Variants in ZCCHC14 observed in about 807,000 individuals in gnomAD.
ZCCHC14 encodes zinc finger CCHC domain-containing protein 14.
In ZCCHC14, 16 loss-of-function variants were observed where a neutral mutation model predicts 85.0. The ratio of observed to expected loss-of-function variants is 0.19; its 90% confidence interval spans 0.13 to 0.29. ZCCHC14 has a LOEUF of 0.29. Among genes scored for constraint, ZCCHC14 ranks in the 10% least tolerant of loss-of-function variants. The pLI is 1.00. For missense variants in ZCCHC14, 1,303 were observed against 1,443.5 expected, an observed-to-expected ratio of 0.90 and a Z score of 1.58; for synonymous variants, 775 against 630.7, an observed-to-expected ratio of 1.23 and a Z score of -3.43.
chr16:87,438,531 A>T (rs559339248), intron 2 of ZCCHC14, among the ~76,000 whole-genome samples: 34 of 152,376 alleles, frequency 2.2e-4, no homozygotes, highest in Admixed American at 8.5e-4. Flanking sequence ...GAGTTCGAAT[A>T]TTCATTGAGT....
intron 3 of ZCCHC14, among the ~76,000 whole-genome samples, chr16:87,425,386 G>A (rs2150732370): frequency 6.6e-6 from 1 of 152,238 alleles, no homozygotes; most frequent in South Asian, 2.1e-4. Context: ...AGACCAGCCT[G>A]ACCAACGTGG....
chr16:87,466,747 G>A (rs528637301), intron 1 of ZCCHC14, among the ~76,000 whole-genome samples: 26 of 152,256 alleles, frequency 1.7e-4, no homozygotes, highest in African/African-American at 6.0e-4. Flanking sequence ...GGTACTGTTC[G>A]TATGACTGTG....
chr16:87,410,649 G>T (rs1216496360), intron 12 of ZCCHC14, among the ~76,000 whole-genome samples: 5 of 152,232 alleles, frequency 3.3e-5, no homozygotes, highest in African/African-American at 1.2e-4. Context: ...CTGGGTGAGG[G>T]CAGGTGAGCG....
At chr16:87,463,969 A>T (rs1228515566) in intron 1 of ZCCHC14, among the ~76,000 whole-genome samples, 1 of 152,176 alleles carries the variant, frequency 6.6e-6, no homozygotes, top group Non-Finnish European at 1.5e-5. Flanking sequence ...ACAGGTGCAC[A>T]CCAGCACGCA....
intron 2 of ZCCHC14, among the ~76,000 whole-genome samples, chr16:87,436,807 G>A (rs889484387): frequency 5.9e-5 from 9 of 152,178 alleles, no homozygotes; most frequent in African/African-American, 2.2e-4. Flanking sequence ...TGTTTAAAAT[G>A]GAAATGAAAA....
At chr16:87,431,023 C>A (rs572542371) in intron 3 of ZCCHC14, among the ~76,000 whole-genome samples, 217 of 152,100 alleles carry the variant, frequency 1.4e-3, no homozygotes, top group African/African-American at 5.1e-3. Flanking sequence ...GCCTGTGGTC[C>A]CAGCTACTAG....
At chr16:87,452,644 G>C (rs1461633098) in intron 2 of ZCCHC14, among the ~76,000 whole-genome samples, 1 of 152,132 alleles carries the variant, frequency 6.6e-6, no homozygotes, top group Non-Finnish European at 1.5e-5. Flanking sequence ...AGCTGCACAG[G>C]GATGACATTT....
intron 1 of ZCCHC14, chr16:87,467,097 C>G (rs1456927091): frequency 6.7e-6 from 4 of 593,922 alleles, no homozygotes; most frequent in Non-Finnish European, 1.2e-5. Context: ...GTTGCCCCAT[C>G]TGACCTCTAA....
chr16:87,492,374 G>A lies in ZCCHC14; in HGVS notation c.-136C>T, dbSNP rs1027803831. ...GGCCGGGTCCGGGCGAGGGCGCGCGGGCGCCGCGGGCCGGGCGGGCGCCGG... is the reference window on the plus strand; with the variant it reads ...GGCCGGGTCCGGGCGAGGGCGCGCGAGCGCCGCGGGCCGGGCGGGCGCCGG... On this transcript the variant is annotated 5_prime_UTR_variant, in exon 1 of 13. Coordinates refer to ENST00000671377, the MANE Select transcript of ZCCHC14 (RefSeq NM_015144.3). The surrounding 1 kb of genome is among the most constrained non-coding windows in gnomAD (Gnocchi z 6.7). The A allele has an allele frequency of 6.7e-6, 1 of 149,098 alleles. No individual in the cohort carries two copies. The highest frequency in any genetic ancestry group is 2.5e-5 in the African/African-American group (1 of 40,540). The allele number at this position is 149,098 out of a possible 1,614,324, so 9.2% of individuals were successfully genotyped here.
Position 87,440,621 on chromosome 16 carries a change from C to G in ZCCHC14, c.695-7420G>C, listed in dbSNP as rs531705765. ...CTCACAACAAAATACCCTTCATTTTCTTTTTGACAGGGTCTCACTCTGTCG... is the reference window on the plus strand; with the variant it reads ...CTCACAACAAAATACCCTTCATTTTGTTTTTGACAGGGTCTCACTCTGTCG... On this transcript the variant is annotated intron_variant, in intron 2 of 12. Coordinates refer to ENST00000671377, the MANE Select transcript of ZCCHC14 (RefSeq NM_015144.3). Among the ~76,000 whole-genome samples the G allele has an allele frequency of 7.2e-5, 11 of 151,802 alleles. No homozygotes were observed. The South Asian group carries it at 1.3e-3, about 17-fold the overall frequency.
chr16:87,455,514 C>T (rs1170056695), intron 2 of ZCCHC14, among the ~76,000 whole-genome samples: 3 of 152,172 alleles, frequency 2.0e-5, no homozygotes, highest in African/African-American at 7.2e-5. Context: ...AAAGTCCTAG[C>T]GTCCTACAGA....
chr16:87,425,353 G>A (rs138052928), intron 3 of ZCCHC14, among the ~76,000 whole-genome samples: 4,299 of 152,142 alleles, frequency 0.028, 214 homozygotes, highest in African/African-American at 0.099. Flanking sequence ...GAGGTGGGCG[G>A]ATCACCTGAG....
intron 2 of ZCCHC14, among the ~76,000 whole-genome samples, chr16:87,457,109 G>C (rs901692014): frequency 1.3e-5 from 2 of 152,196 alleles, no homozygotes; most frequent in Non-Finnish European, 2.9e-5. Flanking sequence ...GGGGCAGGGG[G>C]CTCAGAAGCC....
Position 87,420,644 on chromosome 16 carries a change from C to T in ZCCHC14, c.913G>A (p.Val305Met). 6.2e-7 allele frequency: 1 copy of T among 1,613,998 alleles called. No homozygotes were observed. The highest frequency in any genetic ancestry group is 8.5e-7 in the Non-Finnish European group (1 of 1,179,940). ...TCCAGATCCACGTGGTTTCGCTCCA[C>T]ATAAAATGCGTCCGGACCAGCTAAG... ...PCLAGPDAFY[V>M]ERNHVDLDSG... The change falls in exon 5 of 13, where the codon GTG becomes ATG. Residue 305 changes from valine to methionine, a missense_variant. Physicochemically the swap from Val to Met is conservative, Grantham distance 21. Coordinates refer to ENST00000671377, the MANE Select transcript of ZCCHC14 (RefSeq NM_015144.3). This position sits in a 1 kb window ranked among gnomAD's most constrained non-coding sequence, Gnocchi z 5.0.
intron 1 of ZCCHC14, among the ~76,000 whole-genome samples, chr16:87,485,640 C>G (rs1443910375): frequency 6.6e-6 from 1 of 150,856 alleles, no homozygotes; most frequent in Non-Finnish European, 1.5e-5. Flanking sequence ...TCTAATCCCT[C>G]TAAGGTGGGG....
At chr16:87,456,957 A>G (rs1910998325) in intron 2 of ZCCHC14, among the ~76,000 whole-genome samples, 1 of 152,250 alleles carries the variant, frequency 6.6e-6, no homozygotes, top group African/African-American at 2.4e-5. Flanking sequence ...AAAGTTACAG[A>G]ACTTACTTTG....
chr16:87,414,996 C>A (rs1261475093), intron 9 of ZCCHC14, among the ~76,000 whole-genome samples: 1 of 152,196 alleles, frequency 6.6e-6, no homozygotes, highest in Non-Finnish European at 1.5e-5. Context: ...GCAGGAGAAT[C>A]GCTTGAACCT....
intron 1 of ZCCHC14, among the ~76,000 whole-genome samples, chr16:87,475,960 C>G (rs768445764): frequency 2.6e-5 from 4 of 152,150 alleles, no homozygotes; most frequent in Admixed American, 6.5e-5. Context: ...TCAGGCTGCT[C>G]AAATACCAAA....
At chr16:87,482,457 G>A (rs1288519620) in intron 1 of ZCCHC14, among the ~76,000 whole-genome samples, 1 of 152,186 alleles carries the variant, frequency 6.6e-6, no homozygotes, top group East Asian at 1.9e-4. Flanking sequence ...CAGCCGGCCC[G>A]GCACACCCAG....
Sources: gnomAD v4.1 joint callset for allele counts (sites outside exome capture counted in the v4.1 genomes callset) on GRCh38, gnomAD v4.1.1 for gene constraint, Gnocchi (gnomAD v3.1) non-coding constraint, MANE v1.5 for transcripts, NCBI Gene and HGNC (gene_info 2026-07-23, HGNC 2026-07-21) for gene names.